The following S100Z variants were observed in gnomAD, a reference collection of about 807,000 sequenced individuals.
S100Z encodes protein S100-Z.
Under a neutral mutation model 8.5 loss-of-function variants are expected in S100Z, and 11 were observed. The ratio of observed to expected loss-of-function variants is 1.30; its 90% confidence interval spans 0.82 to 2.15. The LOEUF (loss-of-function observed/expected upper bound fraction) is 2.15. S100Z is among the 30% of genes most tolerant of loss of function. The pLI is 0.00. For synonymous variants in S100Z, 34 were observed against 43.8 expected, an observed-to-expected ratio of 0.78 and a Z score of 0.89; for missense variants, 126 against 117.9, an observed-to-expected ratio of 1.07 and a Z score of -0.32.
At chr5:76,863,776 G>T (rs954991938) in intron 1 of S100Z, among the ~76,000 whole-genome samples, 2 of 152,098 alleles carry the variant, frequency 1.3e-5, no homozygotes, top group Non-Finnish European at 2.9e-5. Context: ...CTGACCTTGT[G>T]ATCCACCCAC....
chr5:76,924,272 A>G (rs1745096152), downstream of S100Z, among the ~76,000 whole-genome samples: 1 of 152,214 alleles, frequency 6.6e-6, no homozygotes, highest in Non-Finnish European at 1.5e-5. Flanking sequence ...GAAGAAAAGT[A>G]TATAAGCATC....
intron 4 of S100Z, among the ~76,000 whole-genome samples, chr5:76,904,163 A>G (rs1744337742): frequency 1.3e-5 from 2 of 152,050 alleles, no homozygotes; most frequent in Non-Finnish European, 2.9e-5. Context: ...ATCTTTGCCA[A>G]ATATGTGTTT....
the S100Z span, among the ~76,000 whole-genome samples, chr5:76,940,664 C>T: frequency 5.6e-4 from 85 of 152,312 alleles, no homozygotes; most frequent in Middle Eastern, 3.4e-3. Context: ...CCACCCACCA[C>T]GGCCTCCCAA....
intron 4 of S100Z, among the ~76,000 whole-genome samples, chr5:76,909,663 C>T (rs531774001): frequency 1.3e-5 from 2 of 152,168 alleles, no homozygotes; most frequent in Admixed American, 6.5e-5. Context: ...ATCACAAAAA[C>T]CCCTGGGCTA....
intron 4 of S100Z, among the ~76,000 whole-genome samples, chr5:76,911,849 T>C (rs1744673714): frequency 6.6e-6 from 1 of 152,174 alleles, no homozygotes; most frequent in Admixed American, 6.5e-5. Flanking sequence ...CCCTAAGACA[T>C]TAAAACAGTT....
intron 1 of S100Z, among the ~76,000 whole-genome samples, chr5:76,851,823 A>G (rs1750735783): frequency 6.6e-6 from 1 of 152,168 alleles, no homozygotes; most frequent in African/African-American, 2.4e-5. Context: ...TAAGTAGGAG[A>G]GAAAGCAGAC....
At chr5:76,923,945 T>C (rs747695755), downstream of S100Z, among the ~76,000 whole-genome samples, 1 of 152,144 alleles carries the variant, frequency 6.6e-6, no homozygotes, top group Non-Finnish European at 1.5e-5. Flanking sequence ...ATTCTCTGTG[T>C]CTCCCAAAGC....
chr5:76,936,428 G>A, the S100Z span, among the ~76,000 whole-genome samples: 1 of 151,622 alleles, frequency 6.6e-6, no homozygotes, highest in South Asian at 2.1e-4. Flanking sequence ...ATATCTACAT[G>A]GTAGGATTAA....
At chr5:76,881,676 C>T (rs1025848094) in intron 4 of S100Z, among the ~76,000 whole-genome samples, 2 of 152,148 alleles carry the variant, frequency 1.3e-5, no homozygotes, top group Non-Finnish European at 2.9e-5. Flanking sequence ...GAGATATTTT[C>T]CTTGGTCCAA....
chr5:76,850,933 C>T (rs923384889), intron 1 of S100Z, among the ~76,000 whole-genome samples: 4 of 152,048 alleles, frequency 2.6e-5, no homozygotes, highest in Admixed American at 6.6e-5. Context: ...CAAAGTGCTG[C>T]GATTACAGGC....
chr5:76,859,581 G>T (rs576366996), intron 1 of S100Z, among the ~76,000 whole-genome samples: 1 of 152,048 alleles, frequency 6.6e-6, no homozygotes, highest in East Asian at 1.9e-4. Flanking sequence ...AGGAGTTTGA[G>T]ACCAGCCTGG....
the S100Z span, among the ~76,000 whole-genome samples, chr5:76,941,770 C>T: frequency 2.0e-5 from 3 of 151,724 alleles, no homozygotes; most frequent in Non-Finnish European, 2.9e-5. Context: ...ATGTGAAGTG[C>T]ACTTTTAAGG....
chr5:76,882,235 A>G (rs781409989), intron 4 of S100Z, among the ~76,000 whole-genome samples: 7 of 152,220 alleles, frequency 4.6e-5, no homozygotes, highest in African/African-American at 7.2e-5. Flanking sequence ...CTCTAAAAGT[A>G]TTAAGGCAGC....
intron 4 of S100Z, among the ~76,000 whole-genome samples, chr5:76,915,898 CA>C (rs1330702268): frequency 6.6e-6 from 1 of 151,916 alleles, no homozygotes; most frequent in Non-Finnish European, 1.5e-5. Flanking sequence ...TCAGAGCAAA[CA>C]AAATTACCTA....
intron 4 of S100Z, among the ~76,000 whole-genome samples, chr5:76,903,019 C>A (rs924002187): frequency 1.3e-5 from 2 of 152,134 alleles, no homozygotes; most frequent in African/African-American, 4.8e-5. Flanking sequence ...AACCCCATCT[C>A]TACTAAAAAT....
At chr5:76,903,024 A>G (rs1345275651) in intron 4 of S100Z, among the ~76,000 whole-genome samples, 1 of 152,174 alleles carries the variant, frequency 6.6e-6, no homozygotes, top group African/African-American at 2.4e-5. Flanking sequence ...CATCTCTACT[A>G]AAAATATAAA....
chr5:76,919,993 C>T (rs916941535), intron 4 of S100Z, among the ~76,000 whole-genome samples: 4 of 151,010 alleles, frequency 2.6e-5, no homozygotes, highest in African/African-American at 9.8e-5. Flanking sequence ...ACTGCAACCT[C>T]CGCCTCCCGA....
chr5:76,951,512 CAATGGG>C, the S100Z span, among the ~76,000 whole-genome samples: 2 of 152,142 alleles, frequency 1.3e-5, no homozygotes, highest in Non-Finnish European at 2.9e-5. Flanking sequence ...GTGGCTACAT[CAATGGG>C]AAAGAGAAGA....
chr5:76,892,468 G>T (rs1743897137), intron 4 of S100Z, among the ~76,000 whole-genome samples: 2 of 152,124 alleles, frequency 1.3e-5, no homozygotes, highest in Admixed American at 1.3e-4. Context: ...TATTATGATG[G>T]TGTAAAACCG....
Sources: gnomAD v4.1 joint callset for allele counts (sites outside exome capture counted in the v4.1 genomes callset) on GRCh38, gnomAD v4.1.1 for gene constraint, MANE v1.5 for transcripts, NCBI Gene and HGNC (gene_info 2026-07-23, HGNC 2026-07-21) for gene names.